The following NOS1AP variants were observed in gnomAD, a reference collection of about 807,000 sequenced individuals.
NOS1AP encodes the protein carboxyl-terminal PDZ ligand of neuronal nitric oxide synthase protein.
NOS1AP carries 21 observed loss-of-function variants against 56.2 expected under a neutral mutation model. The observed-to-expected ratio is 0.37, with a 90% CI of 0.26 to 0.54. The LOEUF (loss-of-function observed/expected upper bound fraction) is 0.54. Among genes scored for constraint, NOS1AP ranks in the 20% least tolerant of loss-of-function variants. The probability of loss-of-function intolerance (pLI) is 0.84; values close to 1 mark genes in which losing one functional copy is unlikely to be tolerated. For synonymous variants in NOS1AP, 270 were observed against 274.6 expected (o/e 0.98, Z 0.17); for missense variants, 522 against 657.8 (o/e 0.79, Z 2.26).
intron 3 of NOS1AP, among the ~76,000 whole-genome samples, chr1:162,291,845 G>A (rs1655292251): frequency 6.6e-6 from 1 of 152,108 alleles, no homozygotes; most frequent in South Asian, 2.1e-4. Flanking sequence ...TCGCATCTAG[G>A]CTCAAGTAAT....
In NOS1AP at chr1:162,152,752, T is replaced by C. The variant is rs902377525; in HGVS notation, c.106-1653T>C. ...TTGATCAATACTAGGGGAAATCCCTTTGTGGTATTTAGTTTTTGAAACCCT... is the reference window on the plus strand; with the variant it reads ...TTGATCAATACTAGGGGAAATCCCTCTGTGGTATTTAGTTTTTGAAACCCT... On this transcript the variant is annotated intron_variant, in intron 1 of 9. Transcript: ENST00000361897. 6.6e-5 allele frequency among the ~76,000 whole-genome samples: 10 copies of C among 152,190 alleles called. No individual in the cohort carries two copies. The East Asian group carries it at 7.7e-4, about 12-fold the overall frequency.
chr1:162,300,973 A>G (rs1416594435), intron 4 of NOS1AP, among the ~76,000 whole-genome samples: 1 of 152,140 alleles, frequency 6.6e-6, no homozygotes, highest in Non-Finnish European at 1.5e-5. Flanking sequence ...GAGACCTTTT[A>G]AATTTGTGCT....
intron 1 of NOS1AP, among the ~76,000 whole-genome samples, chr1:162,136,957 T>C (rs1649028660): frequency 6.6e-6 from 1 of 152,184 alleles, no homozygotes; most frequent in Admixed American, 6.5e-5. Flanking sequence ...TGCTGAGGAA[T>C]TAGTGACTCA....
At chr1:162,287,540 T>C (rs1449821522) in intron 3 of NOS1AP, 104 bp downstream of exon 3, 1 of 807,480 alleles carries the variant, frequency 1.2e-6, no homozygotes, top group African/African-American at 1.7e-5. Flanking sequence ...ATCCCTCCCT[T>C]ATCTGGCAAG....
chr1:162,251,963 G>A (rs751752586), intron 2 of NOS1AP, among the ~76,000 whole-genome samples: 13 of 137,118 alleles, frequency 9.5e-5, no homozygotes, highest in Non-Finnish European at 1.7e-4. Context: ...CCAAAATGTT[G>A]AGATTATAGG....
rs12082010 is a variant in NOS1AP at position 162,188,217 on chromosome 1, G to A, written c.177+33741G>A. On this transcript the variant is annotated intron_variant, in intron 2 of 9. Coordinates refer to ENST00000361897, the MANE Select transcript of NOS1AP (RefSeq NM_014697.3). This position sits in a 1 kb window ranked among gnomAD's most constrained non-coding sequence, Gnocchi z 4.0. Reference sequence around the variant, plus strand: ...AAATGGCATGCTGGAGTTTTTAGATGAAAGATGCTATTTTGTATAAGCAAA... The same window carrying A: ...AAATGGCATGCTGGAGTTTTTAGATAAAAGATGCTATTTTGTATAAGCAAA... Among the ~76,000 whole-genome samples, 7,316 of 152,254 alleles carry A rather than the reference G, an allele frequency of 0.048. 234 individuals are homozygous for A. Among genetic ancestry groups the A allele is most frequent in the African/African-American group, 0.091 (3,789 of 41,518 alleles).
chr1:162,088,526 T>C (rs1692053655), intron 1 of NOS1AP, among the ~76,000 whole-genome samples: 1 of 152,196 alleles, frequency 6.6e-6, no homozygotes, highest in South Asian at 2.1e-4. Context: ...GGCCAGAATT[T>C]CTTTTTATGG....
In NOS1AP at chr1:162,365,440, G is replaced by A; in HGVS notation, c.976G>A (p.Ala326Thr). Reference protein sequence around the residue: ...LLKDQLAAEAAARLEAQARVH... With the variant: ...LLKDQLAAEATARLEAQARVH... ...GAAGGACCAGTTGGCTGCTGAGGCT[G>A]CGGCGCGGCTGGAGGCCCAGGCTCG... The change falls in exon 9 of 10, where the codon GCG becomes ACG. Residue 326 changes from alanine (A) to threonine (T), a missense_variant. Transcript: ENST00000361897. 1 of 1,614,108 alleles carries A rather than the reference G, an allele frequency of 6.2e-7. No individual in the cohort carries two copies. The highest frequency in any genetic ancestry group is 2.2e-5 in the East Asian group (1 of 44,890).
chr1:162,240,241 G>C (rs1653446357), intron 2 of NOS1AP, among the ~76,000 whole-genome samples: 1 of 144,388 alleles, frequency 6.9e-6, no homozygotes, highest in African/African-American at 2.5e-5. Context: ...GCACTGTGTG[G>C]CCAGTGTGTG....
intron 2 of NOS1AP, among the ~76,000 whole-genome samples, chr1:162,214,141 G>T (rs1652462560): frequency 6.6e-6 from 1 of 152,162 alleles, no homozygotes; most frequent in Non-Finnish European, 1.5e-5. Context: ...AAGTGGAGGA[G>T]TTTTCTTCTT....
At chr1:162,110,799 A>G (rs765432890) in intron 1 of NOS1AP, among the ~76,000 whole-genome samples, 1 of 152,348 alleles carries the variant, frequency 6.6e-6, no homozygotes, top group East Asian at 1.9e-4. Flanking sequence ...TGTACATATT[A>G]AAGTTGTATT....
chr1:162,334,497 T>C (rs567996609), intron 5 of NOS1AP, among the ~76,000 whole-genome samples: 1 of 152,210 alleles, frequency 6.6e-6, no homozygotes. Context: ...AGTGAAAGGC[T>C]CGTATGTGGC....
Position 162,160,298 on chromosome 1 carries a change from C to T in NOS1AP, c.177+5822C>T, listed in dbSNP as rs778764872. ...GGTCTTGGCCTTGAACAGAATTCAC[C>T]GGTGACCAGAAAATGGCCAAGCCCT... On this transcript the variant is annotated intron_variant, in intron 2 of 9. Transcript: ENST00000361897. Among the ~76,000 whole-genome samples, 172 of 152,252 alleles carry T rather than the reference C, an allele frequency of 1.1e-3. 2 individuals are homozygous for T. Among genetic ancestry groups the T allele is most frequent in the Non-Finnish European group, 3.1e-4 (21 of 68,020 alleles).
intron 1 of NOS1AP, among the ~76,000 whole-genome samples, chr1:162,073,660 C>T (rs1363849773): frequency 1.3e-5 from 2 of 152,188 alleles, no homozygotes; most frequent in Non-Finnish European, 2.9e-5. Flanking sequence ...GGGCTTTCTC[C>T]GTTTTGGTCA....
intron 2 of NOS1AP, among the ~76,000 whole-genome samples, chr1:162,271,192 A>G (rs1326758625): frequency 6.7e-6 from 1 of 150,036 alleles, no homozygotes; most frequent in Non-Finnish European, 1.5e-5. Context: ...CCCCAGTATG[A>G]TCCTTAGAAT....
intron 1 of NOS1AP, among the ~76,000 whole-genome samples, chr1:162,124,507 G>GTGTGTGTGTGTGTGT (rs77245896): frequency 6.6e-6 from 1 of 150,544 alleles, no homozygotes; most frequent in African/African-American, 2.4e-5. Flanking sequence ...GTGTGTGTGT[G>GTGTGTGTGTGTGTGT]ACACACACAC....
At chr1:162,094,988 TC>T (rs1336743272) in intron 1 of NOS1AP, among the ~76,000 whole-genome samples, 1 of 152,216 alleles carries the variant, frequency 6.6e-6, no homozygotes, top group East Asian at 1.9e-4. Flanking sequence ...CCACTCACAC[TC>T]CACTATGGGT....
At chr1:162,338,065 A>C (rs1344926561) in intron 5 of NOS1AP, among the ~76,000 whole-genome samples, 1 of 152,236 alleles carries the variant, frequency 6.6e-6, no homozygotes, top group Non-Finnish European at 1.5e-5. Context: ...CATGACATTC[A>C]GTTCTGTTTT....
chr1:162,352,266 C>G (rs891265492), intron 6 of NOS1AP, among the ~76,000 whole-genome samples: 9 of 152,174 alleles, frequency 5.9e-5, no homozygotes, highest in African/African-American at 2.2e-4. Context: ...ACCATGTTGG[C>G]CAGGCTTGTC....
Sources: allele counts gnomAD v4.1 joint callset (sites outside exome capture counted in the v4.1 genomes callset), GRCh38; gene constraint gnomAD v4.1.1; non-coding constraint Gnocchi (gnomAD v3.1); transcripts MANE v1.5; gene names NCBI Gene and HGNC (gene_info 2026-07-23, HGNC 2026-07-21).